GPR176: variants seen among roughly 807,000 people sequenced by gnomAD.
GPR176 encodes G protein-coupled receptor 176.
In GPR176, 26 loss-of-function variants were observed where a neutral mutation model predicts 35.4. That is an observed-to-expected ratio of 0.74 (90% CI 0.54 to 1.02). The LOEUF (loss-of-function observed/expected upper bound fraction) is 1.02, where lower values mean the gene tolerates loss of function less well. GPR176 is among the 50% of genes least tolerant of loss of function. The pLI, the probability that GPR176 is intolerant of heterozygous loss-of-function variation, is 0.00. For synonymous variants in GPR176, 278 were observed against 271.3 expected, an observed-to-expected ratio of 1.02 and a Z score of -0.24; for missense variants, 597 against 665.3, an observed-to-expected ratio of 0.90 and a Z score of 1.13.
At chr15:39,894,020 CCAGT>C (rs1436455680) in intron 1 of GPR176, among the ~76,000 whole-genome samples, 7 of 37,242 alleles carry the variant, frequency 1.9e-4, no homozygotes, top group African/African-American at 6.4e-4. Flanking sequence ...TCCTCACTTC[CCAGT>C]AGGGGCGGCC....
At chr15:39,886,663 C>A (rs1171363723) in intron 1 of GPR176, among the ~76,000 whole-genome samples, 1 of 152,176 alleles carries the variant, frequency 6.6e-6, no homozygotes, top group Non-Finnish European at 1.5e-5. Flanking sequence ...ACACTGATCT[C>A]CTTTGTAAAT....
chr15:39,837,309 G>A (rs549408509), intron 1 of GPR176, among the ~76,000 whole-genome samples: 13 of 152,228 alleles, frequency 8.5e-5, no homozygotes, highest in African/African-American at 3.1e-4. Context: ...GATTCTCTCT[G>A]TCCACTGCCT....
chr15:39,868,343 C>A (rs906662595), intron 1 of GPR176, among the ~76,000 whole-genome samples: 1 of 152,154 alleles, frequency 6.6e-6, no homozygotes, highest in Admixed American at 6.5e-5. Flanking sequence ...TTTTTCTCAA[C>A]AAAGGCAGTC....
At position 39,870,340 on chromosome 15, in the gene GPR176, T is replaced by C. The variant is rs574509460; in HGVS notation, c.172+49515A>G. On this transcript the variant is annotated intron_variant, in intron 1 of 2. Coordinates refer to ENST00000561100, the MANE Select transcript of GPR176 (RefSeq NM_007223.3). ...GCCACAGGTTTCAGGAATTAAGACA[T>C]GGATATCTTGGGGGCCTACTACAGG... Among the ~76,000 whole-genome samples the C allele has an allele frequency of 2.6e-5, 4 of 152,300 alleles. No individual in the cohort carries two copies. In the South Asian group the frequency reaches 6.2e-4, roughly 24 times the overall value.
chr15:39,840,762 C>T (rs555314472), intron 1 of GPR176, among the ~76,000 whole-genome samples: 2 of 151,976 alleles, frequency 1.3e-5, no homozygotes, highest in African/African-American at 4.8e-5. Flanking sequence ...TAAAATATTA[C>T]AGAAATAAAA....
chr15:39,843,981 G>A (rs2030224235), intron 1 of GPR176, among the ~76,000 whole-genome samples: 2 of 152,054 alleles, frequency 1.3e-5, no homozygotes, highest in Admixed American at 1.3e-4. Context: ...ACTACTAAAG[G>A]TAGAAAGAAC....
chr15:39,862,791 AC>A (rs1406054502), intron 1 of GPR176, among the ~76,000 whole-genome samples: 1 of 152,200 alleles, frequency 6.6e-6, no homozygotes, highest in African/African-American at 2.4e-5. Flanking sequence ...CTACTATGGT[AC>A]TTTTTGCTTA....
chr15:39,802,909 C>A (rs1421096728), intron 2 of GPR176, among the ~76,000 whole-genome samples: 1 of 152,192 alleles, frequency 6.6e-6, no homozygotes, highest in Non-Finnish European at 1.5e-5. Flanking sequence ...ACTCAGTAAC[C>A]CTAAGGGCAA....
chr15:39,866,869 T>C (rs905643330), intron 1 of GPR176, among the ~76,000 whole-genome samples: 9 of 152,024 alleles, frequency 5.9e-5, no homozygotes, highest in East Asian at 1.9e-4. Flanking sequence ...AAAAGTCAGA[T>C]TGGAAAGCAT....
chr15:39,909,888 T>C, intron 1 of GPR176: 1 of 979,874 alleles, frequency 1.0e-6, no homozygotes, highest in Non-Finnish European at 1.2e-6. Context: ...TATATTTCAT[T>C]TGGCAAGCTA....
chr15:39,869,170 AAAAAG>A (rs2031951832), intron 1 of GPR176, among the ~76,000 whole-genome samples: 1 of 151,982 alleles, frequency 6.6e-6, no homozygotes, highest in South Asian at 2.1e-4. Flanking sequence ...AAAAAAAAAA[AAAAAG>A]AACACTGTGG....
chr15:39,837,922 G>A (rs907026977), intron 1 of GPR176, among the ~76,000 whole-genome samples: 1 of 151,426 alleles, frequency 6.6e-6, no homozygotes, highest in African/African-American at 2.4e-5. Flanking sequence ...GGTGGCTGAG[G>A]GAGGAGGATA....
intron 1 of GPR176, among the ~76,000 whole-genome samples, chr15:39,848,274 T>C (rs936628116): frequency 3.9e-5 from 6 of 152,118 alleles, no homozygotes; most frequent in African/African-American, 1.4e-4. Context: ...TAAGAAGATA[T>C]AGTAATCCTA....
intron 1 of GPR176, among the ~76,000 whole-genome samples, chr15:39,866,348 T>C (rs2031828727): frequency 6.6e-6 from 1 of 152,152 alleles, no homozygotes; most frequent in Non-Finnish European, 1.5e-5. Flanking sequence ...TAAATTACAT[T>C]AAACTAAAAT....
chr15:39,875,471 C>A (rs144321548), intron 1 of GPR176, among the ~76,000 whole-genome samples: 43 of 152,278 alleles, frequency 2.8e-4, no homozygotes, highest in African/African-American at 9.9e-4. Flanking sequence ...TTAAAGCATT[C>A]CTGGAGAACT....
chr15:39,821,101 A>C (rs1482326348), intron 1 of GPR176, among the ~76,000 whole-genome samples: 2 of 152,220 alleles, frequency 1.3e-5, no homozygotes, highest in African/African-American at 4.8e-5. Context: ...ATGAATAATC[A>C]GTTTCCAATT....
At position 39,920,204 on chromosome 15, in the gene GPR176, G is replaced by C; in HGVS notation, c.-178C>G. 2.4e-6 allele frequency: 1 copy of C among 416,280 alleles called. No individual in the cohort carries two copies. The highest frequency in any genetic ancestry group is 2.0e-5 in the African/African-American group (1 of 48,812). 25.8% of individuals were successfully genotyped at this position (416,280 alleles called of 1,614,324 possible). The stretch of plus-strand genomic sequence containing the variant: ...AACCCCGGCGCCCGGGAGGCGGGGA[G>C]GGAGGGAGGCGCGGCTGCGCCCCAT... On this transcript the variant is annotated 5_prime_UTR_variant, in exon 1 of 3. Transcript: ENST00000561100.
intron 1 of GPR176, among the ~76,000 whole-genome samples, chr15:39,872,941 G>A (rs2032103355): frequency 6.8e-6 from 1 of 146,362 alleles, no homozygotes; most frequent in Non-Finnish European, 1.5e-5. Context: ...GTGTGTGTGT[G>A]TGTGTGTGTG....
At chr15:39,849,643 G>A (rs1229958900) in intron 1 of GPR176, among the ~76,000 whole-genome samples, 6 of 152,054 alleles carry the variant, frequency 3.9e-5, no homozygotes, top group Admixed American at 3.3e-4. Flanking sequence ...CACTAAAGAA[G>A]AAAATCACAA....
Sources: allele counts gnomAD v4.1 joint callset (sites outside exome capture counted in the v4.1 genomes callset), GRCh38; gene constraint gnomAD v4.1.1; transcripts MANE v1.5; gene names NCBI Gene and HGNC (gene_info 2026-07-23, HGNC 2026-07-21).